The following LGSN variants were observed in gnomAD, a reference collection of about 807,000 sequenced individuals.
The protein encoded by LGSN is lengsin, lens protein with glutamine synthetase domain, also known as lengsin.
In LGSN, 21 loss-of-function variants were observed where a neutral mutation model predicts 19.5. The observed-to-expected ratio is 1.07, with a 90% CI of 0.76 to 1.55. The LOEUF (loss-of-function observed/expected upper bound fraction) is 1.55, where lower values mean the gene tolerates loss of function less well. LGSN is among the 40% of genes most tolerant of loss of function. The pLI is 0.00. For synonymous variants in LGSN, 257 were observed against 215.6 expected, an observed-to-expected ratio of 1.19 and a Z score of -1.68; for missense variants, 673 against 608.5, an observed-to-expected ratio of 1.11 and a Z score of -1.12.
chr6:63,555,874 A>C, the LGSN span, among the ~76,000 whole-genome samples: 1 of 151,842 alleles, frequency 6.6e-6, no homozygotes, highest in Admixed American at 6.6e-5. Context: ...TTGCATTTTT[A>C]GTAGAGACAG....
At chr6:63,546,396 G>T in the LGSN span, among the ~76,000 whole-genome samples, 1 of 152,094 alleles carries the variant, frequency 6.6e-6, no homozygotes, top group African/African-American at 2.4e-5. Context: ...GAAAAATCAG[G>T]AGATGTTGTT....
upstream of LGSN, among the ~76,000 whole-genome samples, chr6:63,321,936 C>G (rs2127399839): frequency 6.6e-6 from 1 of 152,276 alleles, no homozygotes; most frequent in East Asian, 1.9e-4. Context: ...TATGGAAAGA[C>G]CGTTCAACTC....
chr6:63,307,893 G>A (rs1164012087), intron 1 of LGSN, among the ~76,000 whole-genome samples: 1 of 152,150 alleles, frequency 6.6e-6, no homozygotes, highest in African/African-American at 2.4e-5. Flanking sequence ...AATCATGAAG[G>A]CATATCAAGC....
At chr6:63,555,127 G>C in the LGSN span, among the ~76,000 whole-genome samples, 1 of 152,000 alleles carries the variant, frequency 6.6e-6, no homozygotes, top group Non-Finnish European at 1.5e-5. Flanking sequence ...GTTCATTTCT[G>C]GTAATATAAG....
the LGSN span, among the ~76,000 whole-genome samples, chr6:63,432,175 GAAAGAAAGAAAAGAAAAGAAAAGA>G: frequency 1.8e-4 from 3 of 16,906 alleles, no homozygotes; most frequent in African/African-American, 6.5e-4. Context: ...GAAAGAAAAG[GAAAGAAAGAAAAGAAAAGAAAAGA>G]AAAGAAAAGA....
the LGSN span, among the ~76,000 whole-genome samples, chr6:63,447,020 G>A: frequency 6.6e-6 from 1 of 152,328 alleles, no homozygotes; most frequent in African/African-American, 2.4e-5. Context: ...TTGCACTCCA[G>A]CCTGGGCAAA....
At chr6:63,455,019 G>A in the LGSN span, among the ~76,000 whole-genome samples, 1 of 147,594 alleles carries the variant, frequency 6.8e-6, no homozygotes, top group Non-Finnish European at 1.5e-5. Flanking sequence ...TCTTGAACTT[G>A]TGACCTCAGG....
chr6:63,314,007 A>G (rs2127396311), intron 1 of LGSN, among the ~76,000 whole-genome samples: 1 of 152,236 alleles, frequency 6.6e-6, no homozygotes, highest in South Asian at 2.1e-4. Flanking sequence ...GACAGAAAAG[A>G]TGGAATCTGG....
chr6:63,406,822 G>A, the LGSN span, among the ~76,000 whole-genome samples: 17 of 147,692 alleles, frequency 1.2e-4, no homozygotes, highest in African/African-American at 1.9e-4. Context: ...TCAAATAGAC[G>A]CAATAAAAAA....
At chr6:63,380,671 T>TA in the LGSN span, among the ~76,000 whole-genome samples, 1 of 152,106 alleles carries the variant, frequency 6.6e-6, no homozygotes, top group African/African-American at 2.4e-5. Context: ...GGCATCAAAA[T>TA]AAAAAAATAG....
chr6:63,424,285 G>A, the LGSN span, among the ~76,000 whole-genome samples: 4 of 151,930 alleles, frequency 2.6e-5, no homozygotes, highest in Admixed American at 2.0e-4. Flanking sequence ...AATATGAAAA[G>A]GATCACTTGA....
the LGSN span, among the ~76,000 whole-genome samples, chr6:63,464,176 G>A: frequency 6.6e-6 from 1 of 151,772 alleles, no homozygotes; most frequent in Non-Finnish European, 1.5e-5. Context: ...AAGAAAAAAT[G>A]TGAGACTATG....
chr6:63,392,881 C>CTTTTTTTTTTT, the LGSN span, among the ~76,000 whole-genome samples: 20 of 109,912 alleles, frequency 1.8e-4, no homozygotes, highest in African/African-American at 3.9e-4. Context: ...TCTTCTTCTT[C>CTTTTTTTTTTT]TTTTTTTTTT....
At chr6:63,409,229 T>C in the LGSN span, among the ~76,000 whole-genome samples, 1 of 152,304 alleles carries the variant, frequency 6.6e-6, no homozygotes. Context: ...TTTTTTGTAA[T>C]GTCATAAATA....
chr6:63,468,867 G>C, the LGSN span, among the ~76,000 whole-genome samples: 1 of 152,102 alleles, frequency 6.6e-6, no homozygotes, highest in East Asian at 1.9e-4. Flanking sequence ...TCCTGCCTCA[G>C]CCTCCCAAGT....
chr6:63,407,451 C>T, the LGSN span, among the ~76,000 whole-genome samples: 1 of 152,152 alleles, frequency 6.6e-6, no homozygotes, highest in African/African-American at 2.4e-5. Flanking sequence ...TCAATAGATG[C>T]AGAAAAGACC....
the LGSN span, among the ~76,000 whole-genome samples, chr6:63,353,588 CAAAAAAAA>C: frequency 4.0e-5 from 3 of 74,174 alleles, no homozygotes; most frequent in African/African-American, 8.7e-5. Context: ...CAGTTTGTAG[CAAAAAAAA>C]AAAAAAAAAA....
chr6:63,504,679 T>C, the LGSN span, among the ~76,000 whole-genome samples: 3 of 152,122 alleles, frequency 2.0e-5, no homozygotes, highest in Admixed American at 6.5e-5. Context: ...CCTGTCCTCA[T>C]GTGATCCACC....
At chr6:63,310,569 A>G (rs974674026) in intron 1 of LGSN, among the ~76,000 whole-genome samples, 1 of 152,182 alleles carries the variant, frequency 6.6e-6, no homozygotes, top group Non-Finnish European at 1.5e-5. Flanking sequence ...ATAAAATATA[A>G]ACTTTATTTC....
Sources: gnomAD v4.1 joint callset for allele counts (sites outside exome capture counted in the v4.1 genomes callset) on GRCh38, gnomAD v4.1.1 for gene constraint, MANE v1.5 for transcripts, NCBI Gene and HGNC (gene_info 2026-07-23, HGNC 2026-07-21) for gene names.